The following TRPC6 variants were observed in gnomAD, a reference collection of about 807,000 sequenced individuals.
The protein encoded by TRPC6 is transient receptor potential cation channel subfamily C member 6.
In TRPC6, 55 loss-of-function variants were observed where a neutral mutation model predicts 90.7. The ratio of observed to expected loss-of-function variants is 0.61; its 90% CI spans 0.49 to 0.76. The LOEUF (loss-of-function observed/expected upper bound fraction) is 0.76. Ranked by LOEUF, TRPC6 falls within the 30% of genes least tolerant of loss-of-function variation. The pLI, the probability that TRPC6 is intolerant of heterozygous loss-of-function variation, is 0.00. For synonymous variants in TRPC6, 393 were observed against 393.0 expected (o/e 1.00, Z 0.00); for missense variants, 989 against 1,122.7 (o/e 0.88, Z 1.70).
At chr11:101,504,877 TACA>T in intron 1 of TRPC6, 79 bp from the exon 2 acceptor site, 1 of 1,527,200 alleles carries the variant, frequency 6.5e-7, no homozygotes, top group Non-Finnish European at 8.9e-7. Context: ...ATTCATCTAA[TACA>T]ATCCTCAAGT....
intron 1 of TRPC6, among the ~76,000 whole-genome samples, chr11:101,558,240 T>C (rs1440217377): frequency 7.3e-6 from 1 of 136,940 alleles, no homozygotes; most frequent in Non-Finnish European, 1.6e-5. Flanking sequence ...TATATGGGTA[T>C]ACATGTATAT....
intron 11 of TRPC6, among the ~76,000 whole-genome samples, chr11:101,454,191 T>C (rs1858831381): frequency 6.6e-6 from 1 of 152,206 alleles, no homozygotes; most frequent in African/African-American, 2.4e-5. Context: ...TTCAATGTAA[T>C]ATATTTTTCA....
At chr11:101,454,307 A>C (rs898258229) in intron 11 of TRPC6, among the ~76,000 whole-genome samples, 1 of 152,152 alleles carries the variant, frequency 6.6e-6, no homozygotes, top group Non-Finnish European at 1.5e-5. Context: ...ATAGAACTAA[A>C]TAAAATTTTA....
chr11:101,515,749 T>C (rs770574346), intron 1 of TRPC6, among the ~76,000 whole-genome samples: 7 of 152,184 alleles, frequency 4.6e-5, no homozygotes, highest in Non-Finnish European at 1.0e-4. Context: ...AGCAATTTGA[T>C]GGAGTTTGAT....
chr11:101,553,795 CAT>C (rs2136847358), intron 1 of TRPC6, among the ~76,000 whole-genome samples: 1 of 152,250 alleles, frequency 6.6e-6, no homozygotes, highest in Non-Finnish European at 1.5e-5. Flanking sequence ...TAAGTGCACT[CAT>C]ACATCATTCT....
chr11:101,550,879 C>G (rs1022952955), intron 1 of TRPC6, among the ~76,000 whole-genome samples: 1 of 151,462 alleles, frequency 6.6e-6, no homozygotes, highest in Non-Finnish European at 1.5e-5. Context: ...TTGAGCTCAC[C>G]TAATATCATT....
intron 5 of TRPC6, among the ~76,000 whole-genome samples, chr11:101,477,947 C>A (rs927176851): frequency 7.9e-5 from 12 of 152,158 alleles, no homozygotes; most frequent in African/African-American, 2.9e-4. Flanking sequence ...TGACATCCTG[C>A]CTCCTGCTGG....
At chr11:101,583,150 A>G in intron 1 of TRPC6, 184 bp downstream of exon 1, 1 of 982,104 alleles carries the variant, frequency 1.0e-6, no homozygotes, top group South Asian at 4.7e-5. Flanking sequence ...CGCCTCCCCC[A>G]CTCCCCGCGC....
intron 1 of TRPC6, among the ~76,000 whole-genome samples, chr11:101,564,048 A>G (rs966194169): frequency 1.3e-5 from 2 of 151,934 alleles, no homozygotes; most frequent in Non-Finnish European, 1.5e-5. Flanking sequence ...AAAGAATCCA[A>G]TGTGAGACAT....
chr11:101,475,012 C>A (rs138714497), intron 6 of TRPC6, among the ~76,000 whole-genome samples: 303 of 152,260 alleles, frequency 2.0e-3, no homozygotes, highest in African/African-American at 7.1e-3. Flanking sequence ...GAGGACTGCC[C>A]TGGCCCATTG....
intron 1 of TRPC6, among the ~76,000 whole-genome samples, chr11:101,526,737 G>A (rs1013906109): frequency 1.3e-5 from 2 of 151,332 alleles, no homozygotes; most frequent in African/African-American, 4.9e-5. Flanking sequence ...GGTGGCGGGT[G>A]CCTGTAATCC....
chr11:101,564,662 G>C (rs982760959), intron 1 of TRPC6, among the ~76,000 whole-genome samples: 5 of 152,018 alleles, frequency 3.3e-5, no homozygotes, highest in Admixed American at 3.3e-4. Context: ...AGTGATAATA[G>C]AGATTCAAAA....
chr11:101,484,210 C>G (rs7924434), intron 4 of TRPC6, among the ~76,000 whole-genome samples: 54,736 of 152,036 alleles, frequency 0.36, 11,397 homozygotes, highest in African/African-American at 0.57. Context: ...TGCCCACTTT[C>G]GATGAAGAAA....
intron 1 of TRPC6, among the ~76,000 whole-genome samples, chr11:101,510,388 C>A (rs1309151600): frequency 1.3e-5 from 2 of 152,108 alleles, no homozygotes; most frequent in East Asian, 3.9e-4. Flanking sequence ...AAAAGAGGAA[C>A]AACTCAGCCC....
At chr11:101,470,178 A>G (rs531204503) in intron 9 of TRPC6, among the ~76,000 whole-genome samples, 1 of 152,344 alleles carries the variant, frequency 6.6e-6, no homozygotes, top group Admixed American at 6.5e-5. Context: ...TGGGAGGCTC[A>G]CTACTTCTAA....
intron 3 of TRPC6, among the ~76,000 whole-genome samples, chr11:101,490,435 T>A (rs1475524366): frequency 1.3e-5 from 2 of 152,150 alleles, no homozygotes; most frequent in Non-Finnish European, 2.9e-5. Flanking sequence ...AATCTACCTT[T>A]AAAAGCTATC....
chr11:101,582,473 A>G (rs1446487291), intron 1 of TRPC6, among the ~76,000 whole-genome samples: 1 of 152,086 alleles, frequency 6.6e-6, no homozygotes, highest in African/African-American at 2.4e-5. Context: ...CCCGCTGCAC[A>G]TGTGGTCACA....
At chr11:101,564,752 A>G (rs1861792782) in intron 1 of TRPC6, among the ~76,000 whole-genome samples, 1 of 152,120 alleles carries the variant, frequency 6.6e-6, no homozygotes, top group Admixed American at 6.6e-5. Flanking sequence ...AGAGAATCCA[A>G]ACAGCCAAAG....
intron 1 of TRPC6, among the ~76,000 whole-genome samples, chr11:101,527,981 G>A (rs1033848837): frequency 9.2e-5 from 14 of 152,056 alleles, no homozygotes; most frequent in African/African-American, 3.4e-4. Flanking sequence ...GCTGAGGCAG[G>A]AGAATCGCTT....
Sources: gnomAD v4.1 joint callset for allele counts (sites outside exome capture counted in the v4.1 genomes callset) on GRCh38, gnomAD v4.1.1 for gene constraint, MANE v1.5 for transcripts, NCBI Gene and HGNC (gene_info 2026-07-23, HGNC 2026-07-21) for gene names.